The following NOL4 variants were observed in gnomAD, a reference collection of about 807,000 sequenced individuals.
NOL4 encodes nucleolar protein 4.
A neutral mutation model predicts 75.9 loss-of-function variants in NOL4; 17 were observed. The ratio of observed to expected loss-of-function variants is 0.22; its 90% CI spans 0.15 to 0.34. NOL4 has a LOEUF of 0.34. Ranked by LOEUF, NOL4 falls within the 10% of genes least tolerant of loss-of-function variation. The pLI, the probability that NOL4 is intolerant of heterozygous loss-of-function variation, is 1.00. For synonymous variants in NOL4, 292 were observed against 289.9 expected (o/e 1.01, Z -0.07); for missense variants, 614 against 793.5 (o/e 0.77, Z 2.72).
chr18:34,033,900 C>T (rs1397426247), intron 5 of NOL4, among the ~76,000 whole-genome samples: 1 of 151,260 alleles, frequency 6.6e-6, no homozygotes, highest in Non-Finnish European at 1.5e-5. Context: ...ATTCAAAGTG[C>T]TAAAAAGAAA....
At chr18:33,972,069 C>G (rs1245558759) in intron 6 of NOL4, among the ~76,000 whole-genome samples, 2 of 151,106 alleles carry the variant, frequency 1.3e-5, no homozygotes, top group African/African-American at 4.9e-5. Flanking sequence ...GAGGTTGAGG[C>G]AGGAGAATGG....
chr18:34,174,337 A>G (rs191035998), intron 1 of NOL4, among the ~76,000 whole-genome samples: 1 of 152,278 alleles, frequency 6.6e-6, no homozygotes, highest in Admixed American at 6.5e-5. Context: ...AAACACTGTC[A>G]AAATCAACTT....
At chr18:33,918,789 G>A (rs1039806636) in intron 9 of NOL4, among the ~76,000 whole-genome samples, 2 of 151,986 alleles carry the variant, frequency 1.3e-5, no homozygotes, top group African/African-American at 4.8e-5. Flanking sequence ...CTTCCTCTAG[G>A]GACCAAGCGA....
chr18:34,056,593 G>A (rs898888638), intron 5 of NOL4, among the ~76,000 whole-genome samples: 14 of 152,056 alleles, frequency 9.2e-5, no homozygotes, highest in African/African-American at 3.4e-4. Context: ...GAAGCCCCTA[G>A]ACAAACCAGA....
At chr18:34,137,809 C>CACACACAT (rs58700786) in intron 1 of NOL4, among the ~76,000 whole-genome samples, 3 of 150,632 alleles carry the variant, frequency 2.0e-5, no homozygotes, top group Middle Eastern at 6.8e-3. Flanking sequence ...CACACACACA[C>CACACACAT]GCACGCACAC....
intron 10 of NOL4, among the ~76,000 whole-genome samples, chr18:33,875,621 G>C (rs186826633): frequency 6.6e-6 from 1 of 152,002 alleles, no homozygotes; most frequent in African/African-American, 2.4e-5. Flanking sequence ...GAATCCCCAA[G>C]TTCAGTTTAA....
intron 4 of NOL4, among the ~76,000 whole-genome samples, chr18:34,100,847 T>C (rs897875834): frequency 1.3e-5 from 2 of 152,184 alleles, no homozygotes; most frequent in African/African-American, 4.8e-5. Flanking sequence ...TTGACAAATC[T>C]ACTTGAATCT....
At chr18:34,152,921 C>G (rs2081713976) in intron 1 of NOL4, among the ~76,000 whole-genome samples, 1 of 151,726 alleles carries the variant, frequency 6.6e-6, no homozygotes, top group South Asian at 2.1e-4. Flanking sequence ...AGACTTTTAG[C>G]AATTTTTCCC....
chr18:34,147,352 G>C (rs1349121741), intron 1 of NOL4, among the ~76,000 whole-genome samples: 1 of 152,060 alleles, frequency 6.6e-6, no homozygotes, highest in Non-Finnish European at 1.5e-5. Context: ...TTGGTTACAG[G>C]TTTGTCATAA....
At chr18:33,897,256 C>A (rs148084236) in intron 9 of NOL4, among the ~76,000 whole-genome samples, 24 of 152,258 alleles carry the variant, frequency 1.6e-4, no homozygotes, top group African/African-American at 5.3e-4. Context: ...CCAGCAATCC[C>A]ATTACTGGGT....
chr18:34,187,423 G>C, intron 1 of NOL4, among the ~76,000 whole-genome samples: 1 of 137,732 alleles, frequency 7.3e-6, no homozygotes. Context: ...TGTCGCCCAG[G>C]CTGGAGTGCA....
chr18:33,894,093 T>C (rs1219788912), intron 9 of NOL4, among the ~76,000 whole-genome samples: 2 of 152,124 alleles, frequency 1.3e-5, no homozygotes, highest in East Asian at 3.9e-4. Context: ...TTGTTTCATA[T>C]ATAAACTACT....
intron 1 of NOL4, among the ~76,000 whole-genome samples, chr18:34,182,731 ACTT>A (rs1274735911): frequency 2.6e-5 from 4 of 151,666 alleles, no homozygotes; most frequent in Non-Finnish European, 4.4e-5. Flanking sequence ...AAAAAATTAA[ACTT>A]CTTCTTTCAT....
intron 2 of NOL4, among the ~76,000 whole-genome samples, chr18:34,111,118 GC>G (rs2079567284): frequency 6.6e-6 from 1 of 152,018 alleles, no homozygotes; most frequent in African/African-American, 2.4e-5. Context: ...AAATAAATTG[GC>G]CCTTGTATCA....
intron 6 of NOL4, among the ~76,000 whole-genome samples, chr18:33,972,147 G>A (rs1031394584): frequency 2.0e-5 from 3 of 150,036 alleles, no homozygotes; most frequent in African/African-American, 7.4e-5. Flanking sequence ...ATGGGAGATA[G>A]AGTGAGACTC....
At chr18:34,153,336 T>C (rs550474668) in intron 1 of NOL4, among the ~76,000 whole-genome samples, 56 of 152,092 alleles carry the variant, frequency 3.7e-4, no homozygotes, top group African/African-American at 1.3e-3. Context: ...CCAATGTACA[T>C]TGAGTTTCTT....
chr18:34,058,489 T>A (rs750253272), intron 5 of NOL4, among the ~76,000 whole-genome samples: 1 of 152,154 alleles, frequency 6.6e-6, no homozygotes, highest in African/African-American at 2.4e-5. Flanking sequence ...GGTGAGGCCT[T>A]TATCTTTCTA....
intron 5 of NOL4, among the ~76,000 whole-genome samples, chr18:34,065,085 T>C (rs2077218477): frequency 6.6e-6 from 1 of 151,876 alleles, no homozygotes; most frequent in African/African-American, 2.4e-5. Flanking sequence ...TCAACTTGAA[T>C]AAAAAGGGTT....
intron 6 of NOL4, among the ~76,000 whole-genome samples, chr18:33,991,686 T>A (rs968995739): frequency 2.6e-5 from 4 of 152,014 alleles, no homozygotes; most frequent in Non-Finnish European, 5.9e-5. Flanking sequence ...GCTAGCCACA[T>A]GTACCAATTT....
Sources: allele counts gnomAD v4.1 joint callset (sites outside exome capture counted in the v4.1 genomes callset), GRCh38; gene constraint gnomAD v4.1.1; transcripts MANE v1.5; gene names NCBI Gene and HGNC (gene_info 2026-07-23, HGNC 2026-07-21).